Variants in DCP2 observed in about 807,000 individuals in gnomAD.
DCP2 encodes m7GpppN-mRNA hydrolase.
DCP2 carries 30 observed loss-of-function variants against 56.1 expected under a neutral mutation model. The ratio of observed to expected loss-of-function variants is 0.53; its 90% CI spans 0.40 to 0.73. The LOEUF (loss-of-function observed/expected upper bound fraction) is 0.73. Among genes scored for constraint, DCP2 ranks in the 30% least tolerant of loss-of-function variants. DCP2 has a pLI of 0.00. For synonymous variants in DCP2, 197 were observed against 163.3 expected, an observed-to-expected ratio of 1.21 and a Z score of -1.57; for missense variants, 533 against 502.7, an observed-to-expected ratio of 1.06 and a Z score of -0.58.
intron 4 of DCP2, among the ~76,000 whole-genome samples, chr5:112,995,622 A>G (rs1024729992): frequency 1.3e-4 from 20 of 152,232 alleles, no homozygotes; most frequent in Admixed American, 4.6e-4. Context: ...TTTCGTTTTC[A>G]TAATAAAAAT....
intron 8 of DCP2, among the ~76,000 whole-genome samples, chr5:113,006,983 C>A (rs1056454179): frequency 5.3e-5 from 8 of 151,988 alleles, no homozygotes; most frequent in Non-Finnish European, 1.2e-4. Flanking sequence ...ATTAAAAATA[C>A]AAAAATTAGC....
chr5:112,991,990 C>A, intron 2 of DCP2, 131 bp from the exon 3 acceptor site: 1 of 1,357,730 alleles, frequency 7.4e-7, no homozygotes, highest in Non-Finnish European at 1.0e-6. Flanking sequence ...GGCCAAAATG[C>A]TACACTTAAA....
intron 3 of DCP2, among the ~76,000 whole-genome samples, 183 bp downstream of exon 3, chr5:112,992,431 G>A (rs947959676): frequency 9.2e-5 from 14 of 151,954 alleles, no homozygotes; most frequent in African/African-American, 3.4e-4. Flanking sequence ...ACTTGTTGCA[G>A]TTACGGTGTG....
chr5:113,018,677 C>A lies in DCP2; in HGVS notation c.*5193C>A. Reference sequence around the variant, plus strand: ...GGTTGGGTGGTTTTTGGGTTATTGGCTACTGTTCGTTCAGTGCCATTTGAA... The same window carrying A: ...GGTTGGGTGGTTTTTGGGTTATTGGATACTGTTCGTTCAGTGCCATTTGAA... On this transcript the variant is annotated 3_prime_UTR_variant, in exon 11 of 11. Coordinates refer to ENST00000389063, the MANE Select transcript of DCP2 (RefSeq NM_152624.6). 6.6e-6 allele frequency: 1 copy of A among 152,240 alleles called. No individual in the cohort carries two copies. The highest frequency in any genetic ancestry group is 1.5e-5 in the Non-Finnish European group (1 of 68,050). 9.4% of individuals were successfully genotyped at this position (152,240 alleles called of 1,614,324 possible). A position where few individuals can be genotyped will look rare whatever the true frequency, so the allele number is the denominator to read the frequency against.
At chr5:112,994,814 C>G (rs1010114271) in intron 4 of DCP2, among the ~76,000 whole-genome samples, 1 of 152,070 alleles carries the variant, frequency 6.6e-6, no homozygotes, top group Non-Finnish European at 1.5e-5. Context: ...ACATAAAGAC[C>G]TTTAAGAAGA....
intron 1 of DCP2, among the ~76,000 whole-genome samples, chr5:112,984,817 G>A (rs1227016330): frequency 1.8e-5 from 2 of 110,070 alleles, no homozygotes; most frequent in Non-Finnish European, 3.7e-5. Flanking sequence ...TGATCCTCCT[G>A]CCTTAGCCTC....
chr5:112,993,363 G>T (rs968203840), intron 4 of DCP2, among the ~76,000 whole-genome samples: 1 of 151,928 alleles, frequency 6.6e-6, no homozygotes, highest in Non-Finnish European at 1.5e-5. Context: ...GGCCAGGCAC[G>T]GTGGCTCACG....
chr5:112,990,979 C>A (rs1748560763), intron 2 of DCP2, among the ~76,000 whole-genome samples: 1 of 152,018 alleles, frequency 6.6e-6, no homozygotes, highest in South Asian at 2.1e-4. Flanking sequence ...TGTACTAACA[C>A]CACCTTTCTC....
At chr5:112,977,090 C>G in intron 1 of DCP2, 104 bp downstream of exon 1, 5 of 817,210 alleles carry the variant, frequency 6.1e-6, no homozygotes, top group Admixed American at 3.3e-5. Context: ...CATGTCCTCG[C>G]TTTCCGCTCC....
intron 9 of DCP2, among the ~76,000 whole-genome samples, chr5:113,009,849 A>G (rs1749600814): frequency 6.6e-6 from 1 of 152,192 alleles, no homozygotes; most frequent in South Asian, 2.1e-4. Flanking sequence ...ACATCTTCAT[A>G]GGAAATCAGC....
chr5:113,005,506 A>G (rs2150187493), intron 8 of DCP2, among the ~76,000 whole-genome samples: 1 of 152,290 alleles, frequency 6.6e-6, no homozygotes, highest in African/African-American at 2.4e-5. Flanking sequence ...AACAGAAAAC[A>G]AGTATTGGTG....
chr5:112,992,927 A>G (rs969200390), intron 4 of DCP2, among the ~76,000 whole-genome samples, 157 bp downstream of exon 4: 3 of 147,918 alleles, frequency 2.0e-5, no homozygotes, highest in African/African-American at 7.6e-5. Flanking sequence ...ATCACTGTTG[A>G]TTGTTTTATC....
In DCP2 at chr5:113,001,577, G is replaced by A; in HGVS notation, c.709G>A (p.Asp237Asn). 1 of 1,614,152 alleles carries A rather than the reference G, an allele frequency of 6.2e-7. No individual in the cohort carries two copies. The highest frequency in any genetic ancestry group is 1.7e-5 in the Admixed American group (1 of 60,018). ...MAIPFIRPLRDWLSRRFGDSS... is the reference protein window; with the variant it reads ...MAIPFIRPLRNWLSRRFGDSS... ...TTAATGTTTCTGCAGACCATTAAGGGACTGGCTTTCTCGAAGATTTGGCGA... is the reference window on the plus strand; with the variant it reads ...TTAATGTTTCTGCAGACCATTAAGGAACTGGCTTTCTCGAAGATTTGGCGA... The change falls in exon 7 of 11, where the codon GAC becomes AAC. Residue 237 changes from aspartate (D) to asparagine (N), a missense_variant. Around this residue, in one of 3 missense-constraint regions of DCP2, gnomAD observed 392 missense variants for 346.6 expected, o/e 1.13. Transcript: ENST00000389063.
chr5:113,012,653 T>G (rs12656361), intron 10 of DCP2, among the ~76,000 whole-genome samples: 2 of 152,194 alleles, frequency 1.3e-5, no homozygotes, highest in African/African-American at 4.8e-5. Flanking sequence ...TTTTTTCTTT[T>G]GTTTTTTTGA....
intron 4 of DCP2, among the ~76,000 whole-genome samples, chr5:112,997,496 C>G (rs1371578988): frequency 6.6e-6 from 1 of 152,126 alleles, no homozygotes; most frequent in African/African-American, 2.4e-5. Context: ...TACAAAGCAA[C>G]TATTGGTCAG....
intron 8 of DCP2, among the ~76,000 whole-genome samples, chr5:113,004,986 G>A (rs1450818468): frequency 5.9e-5 from 9 of 151,886 alleles, no homozygotes; most frequent in East Asian, 1.9e-4. Context: ...TTAGCTGGGC[G>A]TGGTGGCGGG....
Position 113,021,981 on chromosome 5 carries a change from C to T in DCP2, c.*8497C>T, listed in dbSNP as rs187614621. On this transcript the variant is annotated 3_prime_UTR_variant, in exon 11 of 11. Transcript: ENST00000389063. ...ATCTAATAATAGTCTTACTTCTAGA[C>T]CCCTGCTTTGACTAGGGCTCTTGAT... 1.3e-5 allele frequency: 2 copies of T among 152,238 alleles called. No individual in the cohort carries two copies. Among genetic ancestry groups the T allele is most frequent in the African/African-American group, 4.8e-5 (2 of 41,550 alleles). The allele number at this position is 152,238 out of a possible 1,614,324, so 9.4% of individuals were successfully genotyped here. A position where few individuals can be genotyped will look rare whatever the true frequency, so the allele number is the denominator to read the frequency against.
At position 113,013,311 on chromosome 5, in the gene DCP2, C is replaced by A. The variant is rs762039402; in HGVS notation, c.1100-10C>A. 1 of 1,601,058 alleles carries A rather than the reference C, an allele frequency of 6.2e-7. No homozygotes were observed. The highest frequency in any genetic ancestry group is 8.5e-7 in the Non-Finnish European group (1 of 1,173,802). ...ACTGAGCTTATTTATTTTGTTTTTT[C>A]TTTAAACAGATGCTGTATATGACTT... On this transcript the variant is annotated splice_polypyrimidine_tract_variant and intron_variant, in intron 10 of 10. Transcript: ENST00000389063.
Position 112,992,107 on chromosome 5 carries a change from G to C in DCP2, c.206-14G>C, listed in dbSNP as rs1450456180. 1 of 1,610,618 alleles carries C rather than the reference G, an allele frequency of 6.2e-7. No homozygotes were observed. Among genetic ancestry groups the C allele is most frequent in the Admixed American group, 1.7e-5 (1 of 59,102 alleles). On this transcript the variant is annotated splice_polypyrimidine_tract_variant and intron_variant, in intron 2 of 10. Transcript: ENST00000389063. ...TATTAAAGGAGAAAGTAACTTCCTT[G>C]ACACTATTTATACTCTTCAGTCATT...
Sources: gnomAD v4.1 joint callset for allele counts (sites outside exome capture counted in the v4.1 genomes callset) on GRCh38, gnomAD v4.1.1 for gene constraint, gnomAD v4.1.1 regional missense constraint, MANE v1.5 for transcripts, NCBI Gene and HGNC (gene_info 2026-07-23, HGNC 2026-07-21) for gene names.